The following NRXN1 variants were observed in gnomAD, a reference collection of about 807,000 sequenced individuals.
NRXN1 encodes neurexin 1, also known as neurexin-1.
In NRXN1, 39 loss-of-function variants were observed where a neutral mutation model predicts 150.9. The observed-to-expected ratio is 0.26, with a 90% CI of 0.20 to 0.34. The LOEUF is 0.34. NRXN1 is among the 10% of genes least tolerant of loss of function. The probability of loss-of-function intolerance (pLI) is 1.00; values close to 1 mark genes in which losing one functional copy is unlikely to be tolerated. For missense variants in NRXN1, 1,815 were observed against 1,949.9 expected, an observed-to-expected ratio of 0.93 and a Z score of 1.30; for synonymous variants, 924 against 757.0, an observed-to-expected ratio of 1.22 and a Z score of -3.62.
At chr2:50,028,605 C>T (rs1688733919) in intron 21 of NRXN1, among the ~76,000 whole-genome samples, 2 of 152,198 alleles carry the variant, frequency 1.3e-5, no homozygotes, top group Non-Finnish European at 2.9e-5. Context: ...CTCAGCACAC[C>T]ACCTAGGCCT....
intron 21 of NRXN1, among the ~76,000 whole-genome samples, chr2:49,984,513 A>G (rs976164489): frequency 6.6e-6 from 1 of 151,860 alleles, no homozygotes; most frequent in Non-Finnish European, 1.5e-5. Flanking sequence ...GAGGACTCAT[A>G]TTGAAGTGAG....
intron 21 of NRXN1, among the ~76,000 whole-genome samples, chr2:49,984,422 A>G (rs1035442068): frequency 2.0e-5 from 3 of 152,178 alleles, no homozygotes; most frequent in Admixed American, 6.5e-5. Flanking sequence ...TGTTTTAAAA[A>G]CAAACAGAAA....
intron 21 of NRXN1, among the ~76,000 whole-genome samples, chr2:50,028,175 C>G (rs1021302994): frequency 2.6e-5 from 4 of 152,004 alleles, no homozygotes; most frequent in Non-Finnish European, 5.9e-5. Flanking sequence ...ACCAGTTGTT[C>G]AAAGATAGGT....
chr2:50,119,086 C>T (rs1267689151), intron 18 of NRXN1, among the ~76,000 whole-genome samples: 1 of 151,824 alleles, frequency 6.6e-6, no homozygotes, highest in Non-Finnish European at 1.5e-5. Flanking sequence ...CTTTGTGCTG[C>T]TCACTTGATC....
Position 50,091,334 on chromosome 2 carries a change from C to T in NRXN1, c.3707G>A (p.Arg1236His), listed in dbSNP as rs200658010. 8 of 1,614,026 alleles carry T rather than the reference C, an allele frequency of 5.0e-6. No individual in the cohort carries two copies. The highest frequency in any genetic ancestry group is 2.7e-5 in the African/African-American group (2 of 74,926). ...LQVDSWPVIERYPAGNNDNER... is the reference protein window; with the variant it reads ...LQVDSWPVIEHYPAGNNDNER... ...ATTCACTTGCTTACCTGCAGGGTAG[C>T]GCTCGATCACTGGCCAGCTGTCCAC... The change falls in exon 19 of 23, where the codon CGC becomes CAC. Residue 1236 changes from arginine (R) to histidine (H), a missense_variant. Arg to His is a conservative substitution (Grantham distance 29, BLOSUM62 0). Coordinates refer to ENST00000401669, the MANE Select transcript of NRXN1 (RefSeq NM_001330078.2).
intron 17 of NRXN1, among the ~76,000 whole-genome samples, chr2:50,267,187 A>C (rs1005467199): frequency 2.6e-5 from 4 of 152,218 alleles, no homozygotes; most frequent in African/African-American, 9.6e-5. Context: ...TACAAGGAAA[A>C]GCAGCTTAAA....
At chr2:50,788,485 G>A (rs1429810998) in intron 5 of NRXN1, among the ~76,000 whole-genome samples, 1 of 151,956 alleles carries the variant, frequency 6.6e-6, no homozygotes, top group Non-Finnish European at 1.5e-5. Context: ...TGAGTCTGAC[G>A]CTTCTGGACA....
intron 19 of NRXN1, among the ~76,000 whole-genome samples, chr2:50,062,752 G>C (rs1396671398): frequency 6.6e-6 from 1 of 152,066 alleles, no homozygotes; most frequent in African/African-American, 2.4e-5. Context: ...CTGATGTATA[G>C]TTTTTCTCCT....
intron 18 of NRXN1, among the ~76,000 whole-genome samples, chr2:50,168,020 AT>A (rs1296902471): frequency 6.8e-6 from 1 of 147,974 alleles, no homozygotes; most frequent in East Asian, 2.1e-4. Context: ...CAAGGTTTGC[AT>A]TTTTCCAAAG....
At chr2:50,383,084 T>C (rs1320618235) in intron 17 of NRXN1, among the ~76,000 whole-genome samples, 1 of 152,194 alleles carries the variant, frequency 6.6e-6, no homozygotes, top group Non-Finnish European at 1.5e-5. Context: ...CCTTATGATC[T>C]GATTCTTTCA....
chr2:49,961,212 A>G (rs1407128982), intron 21 of NRXN1, among the ~76,000 whole-genome samples: 1 of 151,942 alleles, frequency 6.6e-6, no homozygotes, highest in Admixed American at 6.6e-5. Context: ...TTTGTTACTG[A>G]CTGAACCCTT....
chr2:49,988,975 A>G (rs2152517715), intron 21 of NRXN1, among the ~76,000 whole-genome samples: 1 of 152,356 alleles, frequency 6.6e-6, no homozygotes, highest in East Asian at 1.9e-4. Flanking sequence ...ATGCATGTAC[A>G]GTGGGAATCT....
At chr2:50,237,012 A>G (rs2065510081) in intron 17 of NRXN1, 42 bp from the exon 18 acceptor site, 1 of 1,587,680 alleles carries the variant, frequency 6.3e-7, no homozygotes, top group Admixed American at 1.7e-5. Context: ...AAATACATCA[A>G]GTCTGCACAT....
chr2:50,949,573 T>G (rs1356103933), intron 2 of NRXN1, among the ~76,000 whole-genome samples: 1 of 152,096 alleles, frequency 6.6e-6, no homozygotes, highest in African/African-American at 2.4e-5. Context: ...TTCTTCCTAG[T>G]GCAATCCAGA....
intron 15 of NRXN1, among the ~76,000 whole-genome samples, chr2:50,477,546 G>A (rs904091074): frequency 1.3e-5 from 2 of 152,272 alleles, no homozygotes; most frequent in East Asian, 3.9e-4. Flanking sequence ...GGCAATTAGA[G>A]TAAAGACCAA....
chr2:50,602,244 T>C (rs1676393784), intron 8 of NRXN1, among the ~76,000 whole-genome samples: 1 of 152,074 alleles, frequency 6.6e-6, no homozygotes, highest in Non-Finnish European at 1.5e-5. Flanking sequence ...CTGTATGGGA[T>C]ATCAGGACCA....
chr2:50,730,158 A>G (rs762250190), intron 5 of NRXN1, among the ~76,000 whole-genome samples: 1 of 152,166 alleles, frequency 6.6e-6, no homozygotes, highest in Non-Finnish European at 1.5e-5. Flanking sequence ...ACAGGGCTCT[A>G]CAAGAAGATG....
rs1670923027 is a variant in NRXN1 at position 51,028,215 on chromosome 2, A to C, written c.59T>G (p.Leu20Arg). The change falls in exon 2 of 23, where the codon CTC (leucine) becomes CGC (arginine). Residue 20 changes from leucine (L) to arginine (R), a missense_variant. Leu to Arg is a moderately radical substitution (Grantham distance 102). Coordinates refer to ENST00000401669, the MANE Select transcript of NRXN1 (RefSeq NM_001330078.2). ...GCFLLCLSLLLLGCWAELGSG... is the reference protein window; with the variant it reads ...GCFLLCLSLLRLGCWAELGSG... ...GCCCAGCTCCGCCCAGCAGCCCAGG[A>C]GCAGCAGCGAGAGGCACAGAAGAAA... 1 of 1,480,788 alleles carries C rather than the reference A, an allele frequency of 6.8e-7. No homozygotes were observed. The highest frequency in any genetic ancestry group is 1.4e-5 in the African/African-American group (1 of 71,180). The allele number at this position is 1,480,788 out of a possible 1,614,324, so 91.7% of individuals were successfully genotyped here.
At chr2:50,495,374 GTGTGTGGTGTGTGTGT>G (rs1479578364) in intron 15 of NRXN1, among the ~76,000 whole-genome samples, 277 of 7,658 alleles carry the variant, frequency 0.036, 1 homozygote, top group African/African-American at 0.13. Context: ...GTGTGTGTGT[GTGTGTGGTGTGTGTGT>G]GTGTGTGTGT....
Sources: gnomAD v4.1 joint callset for allele counts (sites outside exome capture counted in the v4.1 genomes callset) on GRCh38, gnomAD v4.1.1 for gene constraint, MANE v1.5 for transcripts, NCBI Gene and HGNC (gene_info 2026-07-23, HGNC 2026-07-21) for gene names.